The following CA10 variants were observed in gnomAD, a reference collection of about 807,000 sequenced individuals.
CA10 encodes carbonic anhydrase-related protein 10.
A neutral mutation model predicts 44.2 loss-of-function variants in CA10; 14 were observed. That is an observed-to-expected ratio of 0.32 (90% CI 0.21 to 0.50). CA10 has a LOEUF of 0.50. Ranked by LOEUF, CA10 falls within the 20% of genes least tolerant of loss-of-function variation. The pLI, the probability that CA10 is intolerant of heterozygous loss-of-function variation, is 0.99. For synonymous variants in CA10, 159 were observed against 141.6 expected, an observed-to-expected ratio of 1.12 and a Z score of -0.87; for missense variants, 350 against 409.7, an observed-to-expected ratio of 0.85 and a Z score of 1.26.
chr17:51,821,246 G>A (rs1030797487), intron 3 of CA10, among the ~76,000 whole-genome samples: 1 of 150,358 alleles, frequency 6.7e-6, no homozygotes, highest in Admixed American at 6.6e-5. Context: ...TTCCCTTCAT[G>A]GGAGCCCACA....
chr17:52,006,207 A>C (rs986148560), intron 2 of CA10, among the ~76,000 whole-genome samples: 7 of 151,846 alleles, frequency 4.6e-5, no homozygotes, highest in Admixed American at 4.6e-4. Context: ...CAGTTCCTAC[A>C]GAAGGAAGTA....
intron 4 of CA10, among the ~76,000 whole-genome samples, chr17:51,732,195 A>G (rs932572766): frequency 6.6e-6 from 1 of 152,212 alleles, no homozygotes; most frequent in Non-Finnish European, 1.5e-5. Flanking sequence ...ACTGGCAGAA[A>G]CGAAGGAGAG....
At position 52,056,600 on chromosome 17, in the gene CA10, T is replaced by C. The variant is rs563217955; in HGVS notation, c.136+15719A>G. 1.2e-3 allele frequency among the ~76,000 whole-genome samples: 187 copies of C among 152,210 alleles called. 5 individuals carry two copies. The South Asian group carries it at 0.023, about 19-fold the overall frequency. On this transcript the variant is annotated intron_variant, in intron 2 of 8. Transcript: ENST00000451037. ...CATTTTATAAGTGTCCACAGGCATA[T>C]CCCTGTCATGCTTTTGCAGTTATAA...
At chr17:51,959,209 CTTT>C (rs112948472) in intron 2 of CA10, among the ~76,000 whole-genome samples, 5 of 122,268 alleles carry the variant, frequency 4.1e-5, no homozygotes, top group East Asian at 2.4e-4. Flanking sequence ...GGAAGACATT[CTTT>C]TTTTTTTTTT....
At chr17:51,881,045 G>C (rs1980344043) in intron 3 of CA10, among the ~76,000 whole-genome samples, 1 of 151,808 alleles carries the variant, frequency 6.6e-6, no homozygotes, top group African/African-American at 2.4e-5. Context: ...AGACCATCCT[G>C]GCTAATACGG....
rs1463903065 is a variant in CA10, at chr17:51,965,742, A to G, written c.137-34610T>C. On this transcript the variant is annotated intron_variant, in intron 2 of 8. Transcript: ENST00000451037. ...TTAGAGCCATCTATCACAAACCCACAGCCAACATAATACCAAACAGGCAAA... is the reference window on the plus strand; with the variant it reads ...TTAGAGCCATCTATCACAAACCCACGGCCAACATAATACCAAACAGGCAAA... Among the ~76,000 whole-genome samples the G allele has an allele frequency of 2.0e-5, 3 of 152,060 alleles. No individual in the cohort carries two copies. In the East Asian group the frequency reaches 5.8e-4, roughly 29 times the overall value.
At chr17:51,916,869 C>A (rs1301434465) in intron 3 of CA10, among the ~76,000 whole-genome samples, 1 of 152,134 alleles carries the variant, frequency 6.6e-6, no homozygotes, top group Non-Finnish European at 1.5e-5. Flanking sequence ...CCGTTGGAAT[C>A]ATTCTTCAGG....
intron 2 of CA10, among the ~76,000 whole-genome samples, chr17:51,991,210 T>C (rs973753417): frequency 1.3e-5 from 2 of 152,248 alleles, no homozygotes; most frequent in African/African-American, 4.8e-5. Context: ...TAATAATCCA[T>C]TAGCATTTTC....
intron 4 of CA10, among the ~76,000 whole-genome samples, chr17:51,730,696 G>A (rs1916681831): frequency 6.6e-6 from 1 of 152,058 alleles, no homozygotes; most frequent in African/African-American, 2.4e-5. Context: ...ATTAAAATGA[G>A]CACAAAAATT....
chr17:51,874,964 T>A (rs202003134), intron 3 of CA10, among the ~76,000 whole-genome samples: 6 of 73,330 alleles, frequency 8.2e-5, no homozygotes, highest in Admixed American at 2.9e-4. Flanking sequence ...TTTTTTCTTT[T>A]TTTTCTTTTC....
At chr17:51,896,017 A>T (rs1981052277) in intron 3 of CA10, among the ~76,000 whole-genome samples, 1 of 152,102 alleles carries the variant, frequency 6.6e-6, no homozygotes, top group African/African-American at 2.4e-5. Flanking sequence ...GTTCCATGTT[A>T]TTTTTTTAAA....
intron 6 of CA10, among the ~76,000 whole-genome samples, chr17:51,645,912 G>A (rs115565104): frequency 1.3e-5 from 2 of 152,318 alleles, no homozygotes; most frequent in African/African-American, 4.8e-5. Flanking sequence ...GACAGAGTGA[G>A]TGTGTGAGTT....
At chr17:52,013,202 AACAAC>A (rs1197823924) in intron 2 of CA10, among the ~76,000 whole-genome samples, 1 of 152,080 alleles carries the variant, frequency 6.6e-6, no homozygotes, top group African/African-American at 2.4e-5. Flanking sequence ...CAAAATTAGA[AACAAC>A]AGGAGGAAAT....
rs1325070752 is a variant in CA10 at position 51,777,735 on chromosome 17, A to G, written c.280-29917T>C. On this transcript the variant is annotated intron_variant, in intron 3 of 8. Coordinates refer to ENST00000451037, the MANE Select transcript of CA10 (RefSeq NM_020178.5). ...TGCTTGAGCCTAAGAGCTCAAGACC[A>G]GCTTGGGCAACATGGCAAGATCTTG... 6.6e-5 allele frequency among the ~76,000 whole-genome samples: 10 copies of G among 152,296 alleles called. No individual in the cohort carries two copies. In the East Asian group the frequency reaches 1.9e-3, roughly 29 times the overall value.
chr17:52,103,384 G>A (rs1289334447), intron 1 of CA10, among the ~76,000 whole-genome samples: 1 of 152,178 alleles, frequency 6.6e-6, no homozygotes, highest in Non-Finnish European at 1.5e-5. Context: ...TGACTTCTAA[G>A]GCCAGAGAGG....
chr17:52,062,079 T>TC (rs1470003274), intron 2 of CA10, among the ~76,000 whole-genome samples: 1 of 148,608 alleles, frequency 6.7e-6, no homozygotes, highest in Non-Finnish European at 1.5e-5. Flanking sequence ...TTTTTTTTTT[T>TC]TTTTTTGAGA....
At chr17:51,712,725 C>G (rs1259837023) in intron 4 of CA10, among the ~76,000 whole-genome samples, 1 of 152,208 alleles carries the variant, frequency 6.6e-6, no homozygotes, top group African/African-American at 2.4e-5. Context: ...CTGAACTCTT[C>G]TTAACTAGAA....
In CA10 at chr17:51,733,074, C is replaced by T. The variant is rs116901742; in HGVS notation, c.465+14559G>A. ...CATTTGAGTGCGTTTCTGTTACTTG[C>T]CCCCCAAAGCACTTTACCTAAGATG... On this transcript the variant is annotated intron_variant, in intron 4 of 8. Transcript: ENST00000451037. 1.4e-4 allele frequency among the ~76,000 whole-genome samples: 22 copies of T among 152,216 alleles called. 1 individual carries two copies. The East Asian group carries it at 4.3e-3, about 29-fold the overall frequency.
At chr17:51,633,342 G>A (rs2143202482) in intron 8 of CA10, 134 bp downstream of exon 8, 1 of 851,990 alleles carries the variant, frequency 1.2e-6, no homozygotes, top group Non-Finnish European at 1.8e-6. Context: ...CCATGCAAAT[G>A]GAGTGTGATG....
Sources: allele counts gnomAD v4.1 joint callset (sites outside exome capture counted in the v4.1 genomes callset), GRCh38; gene constraint gnomAD v4.1.1; transcripts MANE v1.5; gene names NCBI Gene and HGNC (gene_info 2026-07-23, HGNC 2026-07-21).